The following TPRG1 variants were observed in gnomAD, a reference collection of about 807,000 sequenced individuals.
TPRG1 encodes tumor protein p63 regulated 1, also known as tumor protein p63-regulated gene 1 protein.
In TPRG1, 29 loss-of-function variants were observed where a neutral mutation model predicts 29.3. The ratio of observed to expected loss-of-function variants is 0.99; its 90% CI spans 0.74 to 1.35. The LOEUF is 1.35. Among genes scored for constraint, TPRG1 ranks in the 40% most tolerant of loss-of-function variants. The probability of loss-of-function intolerance (pLI) is 0.00; values close to 1 mark genes in which losing one functional copy is unlikely to be tolerated. For synonymous variants in TPRG1, 130 were observed against 116.8 expected (o/e 1.11, Z -0.73); for missense variants, 327 against 335.0 (o/e 0.98, Z 0.19).
intron 4 of TPRG1, among the ~76,000 whole-genome samples, chr3:189,033,175 A>G (rs1318896949): frequency 6.6e-6 from 1 of 152,146 alleles, no homozygotes; most frequent in Non-Finnish European, 1.5e-5. Context: ...TGGGAAATTT[A>G]GTCTTTGGGT....
chr3:189,101,940 T>C (rs933776139), intron 1 of TPRG1, among the ~76,000 whole-genome samples: 3 of 152,148 alleles, frequency 2.0e-5, no homozygotes, highest in African/African-American at 7.2e-5. Context: ...GCTATTGTTT[T>C]ATTTTAATTT....
At chr3:189,059,235 C>T in intron 4 of TPRG1, among the ~76,000 whole-genome samples, 1 of 152,190 alleles carries the variant, frequency 6.6e-6, no homozygotes, top group East Asian at 1.9e-4. Context: ...TTTCCAAGCA[C>T]TTTCTGTGCC....
At chr3:189,320,540 C>T in intron 5 of TPRG1, 86 bp from the exon 6 acceptor site, 1 of 1,222,132 alleles carries the variant, frequency 8.2e-7, no homozygotes, top group Non-Finnish European at 1.1e-6. Flanking sequence ...GAGTAGTCAA[C>T]TTCTGTGAAG....
At chr3:189,126,293 A>G (rs1722480758) in intron 1 of TPRG1, among the ~76,000 whole-genome samples, 1 of 152,182 alleles carries the variant, frequency 6.6e-6, no homozygotes. Context: ...TTCTTCTAGT[A>G]TTAAAAAAAT....
At chr3:189,101,101 C>T (rs1719145231) in intron 1 of TPRG1, among the ~76,000 whole-genome samples, 1 of 152,202 alleles carries the variant, frequency 6.6e-6, no homozygotes, top group African/African-American at 2.4e-5. Context: ...TACCTGCATC[C>T]ATGTCCTGCT....
intron 4 of TPRG1, among the ~76,000 whole-genome samples, chr3:189,087,511 T>C (rs1382499244): frequency 1.3e-5 from 2 of 152,250 alleles, no homozygotes; most frequent in Non-Finnish European, 2.9e-5. Flanking sequence ...TTTAGTTTAA[T>C]TGGATCCCGT....
At chr3:189,313,379 A>AT (rs1374863327) in intron 5 of TPRG1, among the ~76,000 whole-genome samples, 3 of 152,164 alleles carry the variant, frequency 2.0e-5, no homozygotes, top group Non-Finnish European at 4.4e-5. Context: ...AAAACATGAG[A>AT]TTTTAAAAGG....
intron 4 of TPRG1, among the ~76,000 whole-genome samples, chr3:189,276,466 A>G (rs1266876040): frequency 6.6e-6 from 1 of 152,216 alleles, no homozygotes; most frequent in Non-Finnish European, 1.5e-5. Flanking sequence ...ACTAGAAAGC[A>G]GAATAGGCAA....
At chr3:189,138,597 C>A (rs147858146) in intron 3 of TPRG1, among the ~76,000 whole-genome samples, 5 of 152,112 alleles carry the variant, frequency 3.3e-5, no homozygotes, top group African/African-American at 4.8e-5. Context: ...GGATCAGGCA[C>A]GCATAGGAAG....
rs775271122 is a variant in TPRG1 at position 189,093,859 on chromosome 3, G to A, written c.-462-33198G>A. Among the ~76,000 whole-genome samples the A allele has an allele frequency of 4.6e-5, 7 of 152,244 alleles. No homozygotes were observed. The East Asian group carries it at 1.2e-3, about 25-fold the overall frequency. ...AAAATCTGCATCTTTAGAGTTGACC[G>A]TGCCTCTACGGGCCTTTCTACTTGT... On this transcript the variant is annotated intron_variant, in intron 4 of 10. Coordinates refer to the TPRG1 transcript ENST00000433971.
intron 1 of TPRG1, among the ~76,000 whole-genome samples, chr3:189,115,931 T>C (rs927510882): frequency 2.0e-5 from 3 of 152,032 alleles, no homozygotes; most frequent in Non-Finnish European, 2.9e-5. Context: ...GAAAACACAA[T>C]GAGATACCAC....
intron 4 of TPRG1, among the ~76,000 whole-genome samples, chr3:189,254,235 A>C (rs1742711550): frequency 2.0e-5 from 3 of 152,208 alleles, no homozygotes. Flanking sequence ...AGTTTTCTGC[A>C]TATGGCTAGC....
At chr3:189,169,382 C>G (rs2108654508), upstream of TPRG1, among the ~76,000 whole-genome samples, 1 of 152,320 alleles carries the variant, frequency 6.6e-6, no homozygotes, top group East Asian at 1.9e-4. Context: ...CCACGCTGGT[C>G]TTGAACTCCT....
At chr3:189,062,379 C>T (rs374661984) in intron 4 of TPRG1, among the ~76,000 whole-genome samples, 43 of 152,174 alleles carry the variant, frequency 2.8e-4, no homozygotes, top group African/African-American at 7.5e-4. Flanking sequence ...GTACAACAAA[C>T]CCTGGCGACA....
At chr3:189,275,480 G>A (rs781010241) in intron 4 of TPRG1, among the ~76,000 whole-genome samples, 6 of 152,158 alleles carry the variant, frequency 3.9e-5, no homozygotes, top group Non-Finnish European at 7.3e-5. Context: ...AGTATAAGAC[G>A]AGACCTTTGG....
At chr3:189,125,916 G>GA (rs1017069388) in intron 1 of TPRG1, among the ~76,000 whole-genome samples, 3 of 149,864 alleles carry the variant, frequency 2.0e-5, no homozygotes, top group Non-Finnish European at 3.0e-5. Context: ...TTAGTGATCA[G>GA]AAAAAAATGC....
intron 4 of TPRG1, among the ~76,000 whole-genome samples, chr3:189,271,400 C>T (rs184025272): frequency 1.3e-5 from 2 of 152,270 alleles, no homozygotes; most frequent in Non-Finnish European, 2.9e-5. Flanking sequence ...TTTGCAGAGT[C>T]TTGCATATAG....
chr3:189,044,427 C>T lies in TPRG1; in HGVS notation c.-463+20481C>T, dbSNP rs573593526. On this transcript the variant is annotated intron_variant, in intron 4 of 10. Transcript: ENST00000433971. ...AAAGTTGGCTGGGCGTGGTGGCAGG[C>T]GCCTGTAATCCCAGCTACTCTGGAG... 1.8e-4 allele frequency among the ~76,000 whole-genome samples: 27 copies of T among 152,076 alleles called. 1 individual carries two copies. Among genetic ancestry groups the T allele is most frequent in the South Asian group, 8.3e-4 (4 of 4,820 alleles).
intron 4 of TPRG1, among the ~76,000 whole-genome samples, chr3:189,282,171 G>T (rs1477986796): frequency 8.4e-6 from 1 of 118,916 alleles, no homozygotes; most frequent in African/African-American, 3.4e-5. Context: ...GACCGAAAAA[G>T]TTTCTTAACC....
Sources: gnomAD v4.1 joint callset for allele counts (sites outside exome capture counted in the v4.1 genomes callset) on GRCh38, gnomAD v4.1.1 for gene constraint, MANE v1.5 for transcripts, NCBI Gene and HGNC (gene_info 2026-07-23, HGNC 2026-07-21) for gene names.